Variants in CTDSPL observed in about 807,000 individuals in gnomAD.
The protein encoded by CTDSPL is CTD small phosphatase-like protein.
Under a neutral mutation model 30.5 loss-of-function variants are expected in CTDSPL, and 8 were observed. That is an observed-to-expected ratio of 0.26 (90% CI 0.15 to 0.47). The LOEUF (loss-of-function observed/expected upper bound fraction) is 0.47, where lower values mean the gene tolerates loss of function less well. Ranked by LOEUF, CTDSPL falls within the 20% of genes least tolerant of loss-of-function variation. The probability of loss-of-function intolerance (pLI) is 0.99; values close to 1 mark genes in which losing one functional copy is unlikely to be tolerated. For synonymous variants in CTDSPL, 110 were observed against 137.9 expected, an observed-to-expected ratio of 0.80 and a Z score of 1.42; for missense variants, 248 against 366.1, an observed-to-expected ratio of 0.68 and a Z score of 2.63.
chr3:37,891,750 T>A (rs1295888282), intron 1 of CTDSPL, among the ~76,000 whole-genome samples: 1 of 152,148 alleles, frequency 6.6e-6, no homozygotes, highest in Non-Finnish European at 1.5e-5. Context: ...AAAAAATTTT[T>A]AAAAAAGGAT....
At chr3:37,896,665 A>T (rs1363916181) in intron 1 of CTDSPL, among the ~76,000 whole-genome samples, 2 of 152,032 alleles carry the variant, frequency 1.3e-5, no homozygotes, top group African/African-American at 4.8e-5. Flanking sequence ...GCACCCCCTG[A>T]GTAGCTGGAA....
intron 1 of CTDSPL, among the ~76,000 whole-genome samples, chr3:37,872,787 A>G (rs1336553351): frequency 6.6e-6 from 1 of 151,776 alleles, no homozygotes; most frequent in African/African-American, 2.4e-5. Context: ...GTTGGCCAGG[A>G]TGGTCTCGAT....
rs1015197537 is a variant in CTDSPL at position 37,975,767 on chromosome 3, T to A, written c.578T>A (p.Phe193Tyr). The change falls in exon 7 of 8, where the codon TTC becomes TAC. Residue 193 changes from phenylalanine to tyrosine, a missense_variant. By Grantham distance (22) the Phe-to-Tyr change is conservative (BLOSUM62 3). Coordinates refer to ENST00000273179, the MANE Select transcript of CTDSPL (RefSeq NM_001008392.2). The surrounding 1 kb of genome is among the most constrained non-coding windows in gnomAD (Gnocchi z 4.9). ...TGGGGTGTGTTCCGGGCCCGGCTCT[T>A]CAGAGAATCATGTGTTTTTCATCGT... ...DRWGVFRARL[F>Y]RESCVFHRGN... The A allele has an allele frequency of 6.2e-7, 1 of 1,614,110 alleles. No homozygotes were observed. Among genetic ancestry groups the A allele is most frequent in the African/African-American group, 1.3e-5 (1 of 75,022 alleles).
intron 2 of CTDSPL, among the ~76,000 whole-genome samples, chr3:37,951,195 G>A (rs774347581): frequency 2.0e-5 from 3 of 151,666 alleles, no homozygotes; most frequent in African/African-American, 4.8e-5. Flanking sequence ...GTGAAACTCC[G>A]TCTCTACTAA....
chr3:37,948,804 C>CTTTTTTTTTTTTTTTTTT (rs1559641745), intron 2 of CTDSPL, among the ~76,000 whole-genome samples: 1 of 135,904 alleles, frequency 7.4e-6, no homozygotes, highest in African/African-American at 3.1e-5. Flanking sequence ...CATTTTCCAG[C>CTTTTTTTTTTTTTTTTTT]TTTCTTTTTT....
At chr3:37,971,643 G>C in intron 6 of CTDSPL, 144 bp downstream of exon 6, 1 of 700,516 alleles carries the variant, frequency 1.4e-6, no homozygotes, top group Non-Finnish European at 2.5e-6. Flanking sequence ...TGGGATGGAT[G>C]CAGGCCATGT....
intron 1 of CTDSPL, among the ~76,000 whole-genome samples, chr3:37,896,769 G>A (rs1008331195): frequency 6.6e-6 from 1 of 152,052 alleles, no homozygotes; most frequent in Non-Finnish European, 1.5e-5. Context: ...GAACTCCTGG[G>A]CTCAAGCAAT....
chr3:37,865,219 A>G (rs1047107191), intron 1 of CTDSPL, among the ~76,000 whole-genome samples: 2 of 152,232 alleles, frequency 1.3e-5, no homozygotes, highest in African/African-American at 4.8e-5. Flanking sequence ...TTTCCCTGTA[A>G]GTTTAACTCA....
chr3:37,904,132 GCTGCCTGTCAGA>G (rs113247448), intron 1 of CTDSPL, among the ~76,000 whole-genome samples: 2,141 of 152,162 alleles, frequency 0.014, 55 homozygotes, highest in African/African-American at 0.048. Flanking sequence ...CTGTGGGCTG[GCTGCCTGTCAGA>G]CTGCCAGCAG....
intron 5 of CTDSPL, chr3:37,969,270 C>A: frequency 2.3e-6 from 1 of 438,714 alleles, no homozygotes. Flanking sequence ...CCCATTCTTG[C>A]AGGAGCTCCC....
At chr3:37,870,103 C>T (rs1434294784) in intron 1 of CTDSPL, among the ~76,000 whole-genome samples, 4 of 151,806 alleles carry the variant, frequency 2.6e-5, no homozygotes, top group Non-Finnish European at 5.9e-5. Flanking sequence ...TCAGTGTTAC[C>T]TCTCTTTTGT....
At chr3:37,876,079 CA>C (rs1698131584) in intron 1 of CTDSPL, among the ~76,000 whole-genome samples, 1 of 151,888 alleles carries the variant, frequency 6.6e-6, no homozygotes, top group Admixed American at 6.6e-5. Context: ...CCCATCTGTA[CA>C]AAAAATAAAA....
intron 1 of CTDSPL, among the ~76,000 whole-genome samples, chr3:37,864,412 T>C (rs1350416343): frequency 6.6e-6 from 1 of 152,234 alleles, no homozygotes; most frequent in Non-Finnish European, 1.5e-5. Context: ...CAATCTTTTA[T>C]TATCTTTAGC....
Position 37,862,342 on chromosome 3 carries a change from A to G in CTDSPL, c.79+64A>G. 1 of 1,349,178 alleles carries G rather than the reference A, an allele frequency of 7.4e-7. No homozygotes were observed. The allele number at this position is 1,349,178 out of a possible 1,614,324, so 83.6% of individuals were successfully genotyped here. On this transcript the variant is annotated intron_variant, in intron 1 of 7. Transcript: ENST00000273179. The surrounding 1 kb of genome is among the most constrained non-coding windows in gnomAD (Gnocchi z 4.3). ...CGCACACCCCGCGCCGCTGGAGTTC[A>G]CTGCCGGGCGCCGGCATGGGCCTGG...
rs1559649592 is a variant in CTDSPL, at chr3:37,975,570, G to A, written c.520-139G>A. 2.8e-6 allele frequency: 2 copies of A among 704,628 alleles called. No individual in the cohort carries two copies. Among genetic ancestry groups the A allele is most frequent in the Non-Finnish European group, 4.6e-6 (2 of 433,684 alleles). 43.6% of individuals were successfully genotyped at this position (704,628 alleles called of 1,614,324 possible). A position where few individuals can be genotyped will look rare whatever the true frequency, so the allele number is the denominator to read the frequency against. On this transcript the variant is annotated intron_variant, in intron 6 of 7. Coordinates refer to ENST00000273179, the MANE Select transcript of CTDSPL (RefSeq NM_001008392.2). The surrounding 1 kb of genome is among the most constrained non-coding windows in gnomAD (Gnocchi z 4.9). The stretch of plus-strand genomic sequence containing the variant: ...CAGTGCCATCTTATGTACACGGAGA[G>A]GAAAATAACCAGGATCCTAAGACAC...
intron 1 of CTDSPL, among the ~76,000 whole-genome samples, chr3:37,881,919 T>G (rs1447248439): frequency 6.6e-6 from 1 of 152,230 alleles, no homozygotes; most frequent in Admixed American, 6.5e-5. Context: ...ACTGTTTTCT[T>G]GAAATAAATA....
chr3:37,886,165 C>G (rs1011456920), intron 1 of CTDSPL, among the ~76,000 whole-genome samples: 3 of 152,166 alleles, frequency 2.0e-5, no homozygotes, highest in Non-Finnish European at 4.4e-5. Flanking sequence ...GTCATCTTCC[C>G]AAAACATGAC....
At chr3:37,906,190 A>C (rs1276203007) in intron 1 of CTDSPL, among the ~76,000 whole-genome samples, 2 of 152,162 alleles carry the variant, frequency 1.3e-5, no homozygotes, top group Non-Finnish European at 2.9e-5. Context: ...TGCTTTGCCC[A>C]GTGGGGAGCA....
chr3:37,977,443 T>G (rs1017008122), intron 7 of CTDSPL, among the ~76,000 whole-genome samples: 1 of 152,188 alleles, frequency 6.6e-6, no homozygotes, highest in Non-Finnish European at 1.5e-5. Flanking sequence ...GCCCTGGTGT[T>G]TTGTCTTGTA....
Sources: allele counts gnomAD v4.1 joint callset (sites outside exome capture counted in the v4.1 genomes callset), GRCh38; gene constraint gnomAD v4.1.1; non-coding constraint Gnocchi (gnomAD v3.1); transcripts MANE v1.5; gene names NCBI Gene and HGNC (gene_info 2026-07-23, HGNC 2026-07-21).